The following LRP10 variants were observed in gnomAD, a reference collection of about 807,000 sequenced individuals.
LRP10 encodes low-density lipoprotein receptor-related protein 10.
Under a neutral mutation model 58.5 loss-of-function variants are expected in LRP10, and 42 were observed. The observed-to-expected ratio is 0.72, with a 90% CI of 0.56 to 0.93. The LOEUF (loss-of-function observed/expected upper bound fraction) is 0.93. Among genes scored for constraint, LRP10 ranks in the 40% least tolerant of loss-of-function variants. The pLI, the probability that LRP10 is intolerant of heterozygous loss-of-function variation, is 0.00. For missense variants in LRP10, 872 were observed against 940.1 expected (o/e 0.93, Z 0.95); for synonymous variants, 377 against 388.5 (o/e 0.97, Z 0.35).
In LRP10 at chr14:22,873,392, CT is replaced by C; in HGVS notation, c.162del (p.Ala55ProfsTer31). 1 of 1,614,164 alleles carries C rather than the reference CT, an allele frequency of 6.2e-7. No individual in the cohort carries two copies. The highest frequency in any genetic ancestry group is 1.3e-5 in the African/African-American group (1 of 75,030). On this transcript the variant is annotated frameshift_variant, in exon 3 of 7. Transcript: ENST00000359591. LOFTEE classifies it high-confidence loss of function. Reference protein sequence around the residue: ...RPLVRDSRTSPANCTWLILGS... With the variant: ...RPLVRDSRTSXANCTWLILGS... ...CTGGTCCGGGACAGCCGCACCTCCC[CT>C]GCCAACTGCACCTGGCTCATCCTGG...
At chr14:22,872,841 G>T in intron 2 of LRP10, 59 bp downstream of exon 2, 1 of 1,551,114 alleles carries the variant, frequency 6.4e-7, no homozygotes, top group Non-Finnish European at 8.9e-7. Flanking sequence ...CAGTCGAGAA[G>T]GACTCTCTGT....
intron 5 of LRP10, 120 bp downstream of exon 5, chr14:22,876,492 A>G: frequency 7.3e-7 from 1 of 1,376,844 alleles, no homozygotes; most frequent in South Asian, 1.3e-5. Context: ...TCAGCTTGTC[A>G]GTTGTGTCCT....
chr14:22,873,212 G>T (rs2039972971), intron 2 of LRP10, 99 bp from the exon 3 acceptor site: 3 of 1,456,728 alleles, frequency 2.1e-6, no homozygotes, highest in South Asian at 1.3e-5. Context: ...CCTCCTTGCA[G>T]AGCCCAGACT....
intron 3 of LRP10, 126 bp downstream of exon 3, chr14:22,873,572 T>A (rs1322819212): frequency 3.4e-5 from 38 of 1,130,774 alleles, no homozygotes; most frequent in Non-Finnish European, 4.6e-5. Flanking sequence ...TCACCCGGGC[T>A]GGAGTGCAAT....
At chr14:22,876,617 GGACTGTCCA>G in intron 5 of LRP10, 63 bp from the exon 6 acceptor site, 3 of 1,564,550 alleles carry the variant, frequency 1.9e-6, no homozygotes, top group Non-Finnish European at 2.6e-6. Context: ...GGAAGTGGGA[GGACTGTCCA>G]GGCTGAGGTG....
rs1179350014 is a variant in LRP10 at position 22,876,834 on chromosome 14, C to T, written c.1554+16C>T. Reference sequence around the variant, plus strand: ...TCCTAATGATGTAAGTCACTCCCCACAACCCTAGCACCTCCTGGTCCCAGT... The same window carrying T: ...TCCTAATGATGTAAGTCACTCCCCATAACCCTAGCACCTCCTGGTCCCAGT... On this transcript the variant is annotated intron_variant, in intron 6 of 6. Transcript: ENST00000359591. 1 of 1,612,416 alleles carries T rather than the reference C, an allele frequency of 6.2e-7. No individual in the cohort carries two copies. Among genetic ancestry groups the T allele is most frequent in the Non-Finnish European group, 8.5e-7 (1 of 1,179,020 alleles).
intron 1 of LRP10, 119 bp downstream of exon 1, chr14:22,872,456 A>G: frequency 9.8e-7 from 1 of 1,025,138 alleles, no homozygotes; most frequent in Non-Finnish European, 1.4e-6. Context: ...CCCTGCCGCC[A>G]GCCCCAGCAC....
Position 22,876,007 on chromosome 14 carries a change from C to T in LRP10, c.1059C>T (p.Cys353=). ...DCADGTDEED[C]PGCPPGHFPC... ...CTGACGGCACAGATGAGGAGGACTG[C>T]CCAGGCTGCCCACCTGGACACTTCC... Residue 353 remains cysteine (C), a synonymous_variant, in exon 5 of 7, where the codon TGC becomes TGT. Coordinates refer to ENST00000359591, the MANE Select transcript of LRP10 (RefSeq NM_014045.5). 1.2e-6 allele frequency: 2 copies of T among 1,613,214 alleles called. No homozygotes were observed. Among genetic ancestry groups the T allele is most frequent in the Non-Finnish European group, 1.7e-6 (2 of 1,180,008 alleles).
chr14:22,875,766 C>T lies in LRP10; in HGVS notation c.818C>T (p.Ala273Val). The T allele has an allele frequency of 6.2e-7, 1 of 1,614,172 alleles. No individual in the cohort carries two copies. Among genetic ancestry groups the T allele is most frequent in the Non-Finnish European group, 8.5e-7 (1 of 1,180,000 alleles). Residue 273 changes from alanine (A) to valine (V), a missense_variant, in exon 5 of 7, where the codon GCT (alanine) becomes GTT (valine). By Grantham distance (64) the Ala-to-Val change is moderately conservative. Transcript: ENST00000359591. ...CTCACCCACTTCAGCAATGGCAAGG[C>T]TGTCACTGTGGAGACACTGTCTGGC... is the stretch of plus-strand genomic sequence containing the variant. The part of the protein sequence containing the change: ...RSLTHFSNGK[A>V]VTVETLSGQA...
chr14:22,876,174 A>C lies in LRP10; in HGVS notation c.1226A>C (p.Glu409Ala). Residue 409 changes from glutamate (E) to alanine (A), a missense_variant, in exon 5 of 7, where the codon GAG (glutamate) becomes GCG (alanine). Transcript: ENST00000359591. ...CQPGNFRCRD[E>A]KCVYETWVCD... ...CCTGGCAATTTCCGATGCCGGGACG[A>C]GAAGTGCGTGTATGAGACGTGGGTG... The C allele has an allele frequency of 2.5e-6, 4 of 1,614,210 alleles. No homozygotes were observed. Among genetic ancestry groups the C allele is most frequent in the South Asian group, 1.1e-5 (1 of 91,088 alleles).
rs1296328487 is a variant in LRP10 at position 22,877,021 on chromosome 14, C to T, written c.1636C>T (p.Arg546Cys). The change falls in exon 7 of 7, where the codon CGT becomes TGT. Residue 546 changes from arginine (R) to cysteine (C), a missense_variant. Transcript: ENST00000359591. The surrounding 1 kb of genome is among the most constrained non-coding windows in gnomAD (Gnocchi z 5.1). ...TCCAGGAGGTGGCCCAGGTGCCCGCCGTCGTCAGCGGGGCCGCTTGATGCG... is the reference window on the plus strand; with the variant it reads ...TCCAGGAGGTGGCCCAGGTGCCCGCTGTCGTCAGCGGGGCCGCTTGATGCG... ...MTPGGGPGAR[R>C]RQRGRLMRRL... 4 of 1,612,608 alleles carry T rather than the reference C, an allele frequency of 2.5e-6. No individual in the cohort carries two copies. The highest frequency in any genetic ancestry group is 2.7e-5 in the African/African-American group (2 of 75,022).
At chr14:22,873,572 T>G in intron 3 of LRP10, 126 bp downstream of exon 3, 72 of 1,130,824 alleles carry the variant, frequency 6.4e-5, no homozygotes, top group Non-Finnish European at 7.6e-5. Flanking sequence ...TCACCCGGGC[T>G]GGAGTGCAAT....
rs1282442294 is a variant in LRP10, at chr14:22,877,120, A to G, written c.1735A>G (p.Arg579Gly). The change falls in exon 7 of 7, where the codon AGA becomes GGA. Residue 579 changes from arginine to glycine, a missense_variant. Transcript: ENST00000359591. This position sits in a 1 kb window ranked among gnomAD's most constrained non-coding sequence, Gnocchi z 5.1. ...TNTPARASEA[R>G]SQVTPSAAPL... ...CACCCCGGCTCGGGCCTCTGAGGCC[A>G]GATCCCAGGTCACACCTTCTGCTGC... 1.2e-6 allele frequency: 2 copies of G among 1,612,838 alleles called. No homozygotes were observed. The highest frequency in any genetic ancestry group is 1.1e-5 in the South Asian group (1 of 90,920).
Position 22,876,420 on chromosome 14 carries a change from G to T in LRP10, c.1424+48G>T, listed in dbSNP as rs752462700. ...GTAGAAGAGTAGACCCTGAGGGTGA[G>T]GCTGGGCTGTGCAGCTACAGGAGAC... On this transcript the variant is annotated intron_variant, in intron 5 of 6. Coordinates refer to ENST00000359591, the MANE Select transcript of LRP10 (RefSeq NM_014045.5). 2.1e-5 allele frequency: 34 copies of T among 1,596,696 alleles called. No individual in the cohort carries two copies. The East Asian group carries it at 7.2e-4, about 34-fold the overall frequency.
At position 22,873,309 on chromosome 14, in the gene LRP10, A is replaced by T; in HGVS notation, c.80-2A>T. On this transcript the variant is annotated splice_acceptor_variant, in intron 2 of 6. Transcript: ENST00000359591. LOFTEE classifies it high-confidence loss of function. ...ACCCGTGTCCTACCTTCCTCTCTCC[A>T]GCTTGTGAGGACCCCCCAGCAGTGC... 6.2e-7 allele frequency: 1 copy of T among 1,611,442 alleles called. No homozygotes were observed. Among genetic ancestry groups the T allele is most frequent in the Non-Finnish European group, 8.5e-7 (1 of 1,178,012 alleles).
In LRP10 at chr14:22,876,965, C is replaced by G. The variant is rs1438894424; in HGVS notation, c.1580C>G (p.Ser527Cys). The G allele has an allele frequency of 2.5e-6, 4 of 1,593,856 alleles. No homozygotes were observed. The highest frequency in any genetic ancestry group is 1.7e-5 in the Admixed American group (1 of 58,128). Residue 527 changes from serine to cysteine, a missense_variant, in exon 7 of 7, where the codon TCT becomes TGT. Transcript: ENST00000359591. Reference protein sequence around the residue: ...NDNSVLGNLRSLLQILRQDMT... With the variant: ...NDNSVLGNLRCLLQILRQDMT... Reference sequence around the variant, plus strand: ...AACTCAGTGCTGGGCAACCTGCGTTCTCTGCTACAGATCTTACGCCAGGAT... The same window carrying G: ...AACTCAGTGCTGGGCAACCTGCGTTGTCTGCTACAGATCTTACGCCAGGAT...
chr14:22,873,098 G>C (rs1416397956), intron 2 of LRP10: 1 of 623,476 alleles, frequency 1.6e-6, no homozygotes, highest in Non-Finnish European at 2.8e-6. Flanking sequence ...AATTGTTCGT[G>C]ATATTAGTAT....
chr14:22,874,375 T>C (rs1005471485), intron 3 of LRP10, among the ~76,000 whole-genome samples: 29 of 152,338 alleles, frequency 1.9e-4, no homozygotes, highest in African/African-American at 7.0e-4. Flanking sequence ...TGGTGAGTTC[T>C]GGTTAATTGA....
At chr14:22,872,979 C>T (rs1595027831) in intron 2 of LRP10, 197 bp downstream of exon 2, 1 of 627,340 alleles carries the variant, frequency 1.6e-6, no homozygotes, top group East Asian at 2.7e-5. Context: ...TTTATTTTTT[C>T]TGGGAATATC....
Sources: gnomAD v4.1 joint callset for allele counts (sites outside exome capture counted in the v4.1 genomes callset) on GRCh38, gnomAD v4.1.1 for gene constraint, Gnocchi (gnomAD v3.1) non-coding constraint, MANE v1.5 for transcripts, NCBI Gene and HGNC (gene_info 2026-07-23, HGNC 2026-07-21) for gene names.